OR2J2: variants seen among roughly 807,000 people sequenced by gnomAD.
OR2J2 encodes the protein olfactory receptor family 2 subfamily J member 2.
Under a neutral mutation model 16.9 loss-of-function variants are expected in OR2J2, and 13 were observed. That is an observed-to-expected ratio of 0.77 (90% confidence interval 0.50 to 1.23). The LOEUF is 1.23. OR2J2 is among the 50% of genes most tolerant of loss of function. The probability of loss-of-function intolerance (pLI) is 0.00; values close to 1 mark genes in which losing one functional copy is unlikely to be tolerated. For missense variants in OR2J2, 341 were observed against 379.1 expected (o/e 0.90, Z 0.84); for synonymous variants, 125 against 141.2 (o/e 0.89, Z 0.81).
Position 29,174,535 on chromosome 6 carries a change from G to C in OR2J2, c.900G>C (p.Gly300=), listed in dbSNP as rs376489298. Residue 300 remains glycine (G), a synonymous_variant, in exon 2 of 2, where the codon GGG becomes GGC. Transcript: ENST00000641417. ...IYTLRNKHVK[G]AAKRLLGWEW... Reference sequence around the variant, plus strand: ...CTCTCAGAAACAAGCATGTAAAAGGGGCAGCGAAGAGACTATTGGGGTGGG... The same window carrying C: ...CTCTCAGAAACAAGCATGTAAAAGGCGCAGCGAAGAGACTATTGGGGTGGG... 1 of 1,612,972 alleles carries C rather than the reference G, an allele frequency of 6.2e-7. No homozygotes were observed. The highest frequency in any genetic ancestry group is 1.3e-5 in the African/African-American group (1 of 74,882).
chr6:29,175,101 T>G lies in OR2J2; in HGVS notation c.*527T>G, dbSNP rs1765774232. Reference sequence around the variant, plus strand: ...CATAAGTATTTGGTTGAAAGACACTTTTTAAAGACACTAAATTATCTAATT... The same window carrying G: ...CATAAGTATTTGGTTGAAAGACACTGTTTAAAGACACTAAATTATCTAATT... On this transcript the variant is annotated 3_prime_UTR_variant, in exon 2 of 2. Coordinates refer to ENST00000641417, the MANE Select transcript of OR2J2 (RefSeq NM_030905.3). 6.6e-6 allele frequency: 1 copy of G among 152,490 alleles called. No homozygotes were observed. The highest frequency in any genetic ancestry group is 2.4e-5 in the African/African-American group (1 of 41,468). The allele number at this position is 152,490 out of a possible 1,614,324, so 9.4% of individuals were successfully genotyped here.
rs540478432 is a variant in OR2J2, at chr6:29,174,320, A to G, written c.685A>G (p.Met229Val). 3 of 1,613,818 alleles carry G rather than the reference A, an allele frequency of 1.9e-6. No homozygotes were observed. Among genetic ancestry groups the G allele is most frequent in the East Asian group, 2.2e-5 (1 of 44,816 alleles). ...YGAIARAVLS[M>V]QSTTGLQKVF... Reference sequence around the variant, plus strand: ...TGCCATTGCCCGGGCTGTACTGAGCATGCAATCAACCACTGGGCTTCAGAA... The same window carrying G: ...TGCCATTGCCCGGGCTGTACTGAGCGTGCAATCAACCACTGGGCTTCAGAA... The change falls in exon 2 of 2, where the codon ATG becomes GTG. Residue 229 changes from methionine (M) to valine (V), a missense_variant. Transcript: ENST00000641417.
chr6:29,174,567 G>C lies in OR2J2; in HGVS notation c.932G>C (p.Gly311Ala), dbSNP rs865981126. 1 of 1,595,776 alleles carries C rather than the reference G, an allele frequency of 6.3e-7. No individual in the cohort carries two copies. Among genetic ancestry groups the C allele is most frequent in the Non-Finnish European group, 8.5e-7 (1 of 1,171,188 alleles). The stretch of plus-strand genomic sequence containing the variant: ...AAGAGACTATTGGGGTGGGAGTGGG[G>C]GAAGTGACAGGGAAATCATGTTGTC... Reference protein sequence around the residue: ...AAKRLLGWEWGK With the variant: ...AAKRLLGWEWAK Residue 311 changes from glycine (G) to alanine (A), a missense_variant, in exon 2 of 2, where the codon GGG becomes GCG. By Grantham distance (60) the Gly-to-Ala change is moderately conservative (BLOSUM62 0). Transcript: ENST00000641417.
Position 29,174,313 on chromosome 6 carries a change from A to G in OR2J2, c.678A>G (p.Val226=). The G allele has an allele frequency of 6.2e-7, 1 of 1,613,842 alleles. No homozygotes were observed. The highest frequency in any genetic ancestry group is 8.5e-7 in the Non-Finnish European group (1 of 1,179,952). The change falls in exon 2 of 2, where the codon GTA becomes GTG. Residue 226 remains valine (V), a synonymous_variant. Coordinates refer to ENST00000641417, the MANE Select transcript of OR2J2 (RefSeq NM_030905.3). ...CCTATGGTGCCATTGCCCGGGCTGT[A>G]CTGAGCATGCAATCAACCACTGGGC... is the stretch of plus-strand genomic sequence containing the variant. ...LTTYGAIARA[V]LSMQSTTGLQ...
rs1026569427 is a variant in OR2J2, at chr6:29,170,950, A to C, written c.-173A>C. The C allele has an allele frequency of 1.3e-5, 2 of 152,100 alleles. No individual in the cohort carries two copies. The highest frequency in any genetic ancestry group is 2.9e-5 in the Non-Finnish European group (2 of 68,014). The allele number at this position is 152,100 out of a possible 1,614,324, so 9.4% of individuals were successfully genotyped here. A position where few individuals can be genotyped will look rare whatever the true frequency, so the allele number is the denominator to read the frequency against. ...GTTATTTCCAGACTCTGTTCTTCAT[A>C]GTTAGATTTAAAACATTGGCAAAAA... On this transcript the variant is annotated 5_prime_UTR_variant, in exon 1 of 2. An upstream open reading frame in the 5' UTR loses its in-frame stop. Coordinates refer to ENST00000641417, the MANE Select transcript of OR2J2 (RefSeq NM_030905.3).
rs140507945 is a variant in OR2J2 at position 29,175,501 on chromosome 6, C to T, written c.*927C>T. 7.2e-5 allele frequency: 11 copies of T among 152,172 alleles called. No individual in the cohort carries two copies. Among genetic ancestry groups the T allele is most frequent in the East Asian group, 5.8e-4 (3 of 5,168 alleles). The allele number at this position is 152,172 out of a possible 1,614,324, so 9.4% of individuals were successfully genotyped here. A position where few individuals can be genotyped will look rare whatever the true frequency, so the allele number is the denominator to read the frequency against. ...ACTTTTTAAAAATCAAAAACAAGGC[C>T]GAGCACGGTGGCTCACACCTGTAAT... On this transcript the variant is annotated 3_prime_UTR_variant, in exon 2 of 2. Transcript: ENST00000641417.
chr6:29,174,605 T>G lies in OR2J2; in HGVS notation c.*31T>G. 1 of 1,537,508 alleles carries G rather than the reference T, an allele frequency of 6.5e-7. No homozygotes were observed. Among genetic ancestry groups the G allele is most frequent in the Non-Finnish European group, 8.8e-7 (1 of 1,139,600 alleles). On this transcript the variant is annotated 3_prime_UTR_variant, in exon 2 of 2. Transcript: ENST00000641417. Reference sequence around the variant, plus strand: ...AAATCATGTTGTCTGTTGTCATTGTTTTTCCTAGGGTCTTAGCCATCTTGA... The same window carrying G: ...AAATCATGTTGTCTGTTGTCATTGTGTTTCCTAGGGTCTTAGCCATCTTGA...
intron 1 of OR2J2, among the ~76,000 whole-genome samples, chr6:29,171,636 G>A (rs1765494977): frequency 6.6e-6 from 1 of 151,912 alleles, no homozygotes; most frequent in Non-Finnish European, 1.5e-5. Flanking sequence ...AATGCTGAAA[G>A]ATGGGTCATA....
At position 29,175,169 on chromosome 6, in the gene OR2J2, A is replaced by G. The variant is rs943720716; in HGVS notation, c.*595A>G. The G allele has an allele frequency of 6.6e-6, 1 of 152,192 alleles. No homozygotes were observed. Among genetic ancestry groups the G allele is most frequent in the African/African-American group, 2.4e-5 (1 of 41,434 alleles). The allele number at this position is 152,192 out of a possible 1,614,324, so 9.4% of individuals were successfully genotyped here. ...TACTTGTCACATTGAACAGTAAACT[A>G]ATATCTCTTTAAAATGGCTCTTTCG... On this transcript the variant is annotated 3_prime_UTR_variant, in exon 2 of 2. Transcript: ENST00000641417.
Position 29,175,787 on chromosome 6 carries a change from T to C in OR2J2, c.*1213T>C, listed in dbSNP as rs1765829149. ...TTGGGATTGCAATTGTTATGTTTTCTATAATCACATTTTTGAAAATAACCT... is the reference window on the plus strand; with the variant it reads ...TTGGGATTGCAATTGTTATGTTTTCCATAATCACATTTTTGAAAATAACCT... On this transcript the variant is annotated 3_prime_UTR_variant, in exon 2 of 2. Coordinates refer to ENST00000641417, the MANE Select transcript of OR2J2 (RefSeq NM_030905.3). 1 of 152,132 alleles carries C rather than the reference T, an allele frequency of 6.6e-6. No individual in the cohort carries two copies. Among genetic ancestry groups the C allele is most frequent in the South Asian group, 2.1e-4 (1 of 4,832 alleles). The allele number at this position is 152,132 out of a possible 1,614,324, so 9.4% of individuals were successfully genotyped here. A position where few individuals can be genotyped will look rare whatever the true frequency, so the allele number is the denominator to read the frequency against.
rs1389964934 is a variant in OR2J2, at chr6:29,171,025, G to A, written c.-98G>A. ...ATGTTTTTAGGTTGTATGGCAACCA[G>A]AGAGCCCCTTCATCAGTTTATACCT... On this transcript the variant is annotated 5_prime_UTR_variant, in exon 1 of 2. Coordinates refer to ENST00000641417, the MANE Select transcript of OR2J2 (RefSeq NM_030905.3). 1.3e-5 allele frequency: 2 copies of A among 152,100 alleles called. No individual in the cohort carries two copies. Among genetic ancestry groups the A allele is most frequent in the Admixed American group, 1.3e-4 (2 of 15,250 alleles). The allele number at this position is 152,100 out of a possible 1,614,324, so 9.4% of individuals were successfully genotyped here. A position where few individuals can be genotyped will look rare whatever the true frequency, so the allele number is the denominator to read the frequency against.
chr6:29,174,514 C>A lies in OR2J2; in HGVS notation c.879C>A (p.Leu293=), dbSNP rs375597037. The change falls in exon 2 of 2, where the codon CTC becomes CTA. Residue 293 remains leucine (L), a synonymous_variant. Coordinates refer to ENST00000641417, the MANE Select transcript of OR2J2 (RefSeq NM_030905.3). ...GTCTTAATCCTCTAATCTACACTCT[C>A]AGAAACAAGCATGTAAAAGGGGCAG... is the stretch of plus-strand genomic sequence containing the variant. The part of the protein sequence containing the change: ...TPSLNPLIYT[L]RNKHVKGAAK... 16 of 1,613,666 alleles carry A rather than the reference C, an allele frequency of 9.9e-6. No individual in the cohort carries two copies. The highest frequency in any genetic ancestry group is 1.3e-5 in the African/African-American group (1 of 74,890).
rs758186424 is a variant in OR2J2 at position 29,174,585 on chromosome 6, A to G, written c.*11A>G. 6.3e-7 allele frequency: 1 copy of G among 1,578,848 alleles called. No homozygotes were observed. Among genetic ancestry groups the G allele is most frequent in the African/African-American group, 1.3e-5 (1 of 74,330 alleles). Reference sequence around the variant, plus strand: ...GAGTGGGGGAAGTGACAGGGAAATCATGTTGTCTGTTGTCATTGTTTTTCC... The same window carrying G: ...GAGTGGGGGAAGTGACAGGGAAATCGTGTTGTCTGTTGTCATTGTTTTTCC... On this transcript the variant is annotated 3_prime_UTR_variant, in exon 2 of 2. Coordinates refer to ENST00000641417, the MANE Select transcript of OR2J2 (RefSeq NM_030905.3).
At position 29,174,512 on chromosome 6, in the gene OR2J2, C is replaced by T. The variant is rs770838813; in HGVS notation, c.877C>T (p.Leu293Phe). ...GAGTCTTAATCCTCTAATCTACACTCTCAGAAACAAGCATGTAAAAGGGGC... is the reference window on the plus strand; with the variant it reads ...GAGTCTTAATCCTCTAATCTACACTTTCAGAAACAAGCATGTAAAAGGGGC... ...TPSLNPLIYT[L>F]RNKHVKGAAK... The change falls in exon 2 of 2, where the codon CTC (leucine) becomes TTC (phenylalanine). Residue 293 changes from leucine (L) to phenylalanine (F), a missense_variant. By Grantham distance (22) the Leu-to-Phe change is conservative. Coordinates refer to ENST00000641417, the MANE Select transcript of OR2J2 (RefSeq NM_030905.3). 7.4e-6 allele frequency: 12 copies of T among 1,613,752 alleles called. No homozygotes were observed. Among genetic ancestry groups the T allele is most frequent in the Non-Finnish European group, 1.0e-5 (12 of 1,179,918 alleles).
chr6:29,174,047 C>T lies in OR2J2; in HGVS notation c.412C>T (p.His138Tyr). The T allele has an allele frequency of 6.2e-7, 1 of 1,613,280 alleles. No individual in the cohort carries two copies. Among genetic ancestry groups the T allele is most frequent in the Non-Finnish European group, 8.5e-7 (1 of 1,179,792 alleles). The stretch of plus-strand genomic sequence containing the variant: ...ACCTTTGCATTACACTGTCCTCATG[C>T]ACCCTCGTTTCTGCCACTTGTTGGT... Reference protein sequence around the residue: ...CRPLHYTVLMHPRFCHLLVAA... With the variant: ...CRPLHYTVLMYPRFCHLLVAA... Residue 138 changes from histidine to tyrosine, a missense_variant, in exon 2 of 2, where the codon CAC becomes TAC. His to Tyr is a moderately conservative substitution (Grantham distance 83, BLOSUM62 2). Coordinates refer to ENST00000641417, the MANE Select transcript of OR2J2 (RefSeq NM_030905.3).
At position 29,174,491 on chromosome 6, in the gene OR2J2, C is replaced by G; in HGVS notation, c.856C>G (p.Leu286Val). 6.2e-7 allele frequency: 1 copy of G among 1,613,672 alleles called. No individual in the cohort carries two copies. Among genetic ancestry groups the G allele is most frequent in the Non-Finnish European group, 8.5e-7 (1 of 1,179,910 alleles). The change falls in exon 2 of 2, where the codon CTT becomes GTT. Residue 286 changes from leucine (L) to valine (V), a missense_variant. By Grantham distance (32) the Leu-to-Val change is conservative (BLOSUM62 1). Coordinates refer to ENST00000641417, the MANE Select transcript of OR2J2 (RefSeq NM_030905.3). ...ALFYTVVTPS[L>V]NPLIYTLRNK... The stretch of plus-strand genomic sequence containing the variant: ...CTTTTATACTGTTGTCACACCGAGT[C>G]TTAATCCTCTAATCTACACTCTCAG...
In OR2J2 at chr6:29,174,511, T is replaced by C; in HGVS notation, c.876T>C (p.Thr292=). The change falls in exon 2 of 2, where the codon ACT becomes ACC. Residue 292 remains threonine, a synonymous_variant. Transcript: ENST00000641417. ...CGAGTCTTAATCCTCTAATCTACAC[T>C]CTCAGAAACAAGCATGTAAAAGGGG... ...VTPSLNPLIY[T]LRNKHVKGAA... 3.7e-6 allele frequency: 6 copies of C among 1,613,700 alleles called. No homozygotes were observed. Among genetic ancestry groups the C allele is most frequent in the Non-Finnish European group, 5.1e-6 (6 of 1,179,890 alleles).
In OR2J2 at chr6:29,173,964, T is replaced by C. The variant is rs749332199; in HGVS notation, c.329T>C (p.Ile110Thr). Residue 110 changes from isoleucine (I) to threonine (T), a missense_variant, in exon 2 of 2, where the codon ATC becomes ACC. Ile to Thr is a moderately conservative substitution (Grantham distance 89, BLOSUM62 -1). Transcript: ENST00000641417. ...CTTTACTTTGTTCTTGCACTGGGAA[T>C]CACAGAGTGTGTCCTACTGGTGGTG... The part of the protein sequence containing the change: ...VQLYFVLALG[I>T]TECVLLVVMS... 5 of 1,612,060 alleles carry C rather than the reference T, an allele frequency of 3.1e-6. No homozygotes were observed. The highest frequency in any genetic ancestry group is 2.7e-5 in the African/African-American group (2 of 74,322).
Position 29,174,121 on chromosome 6 carries a change from C to T in OR2J2, c.486C>T (p.Ser162=). The T allele has an allele frequency of 6.2e-7, 1 of 1,613,716 alleles. No homozygotes were observed. The highest frequency in any genetic ancestry group is 2.2e-5 in the East Asian group (1 of 44,842). Reference sequence around the variant, plus strand: ...TTACTATCTCAGCACTTCATTCCTCCTTTACTTTCTGGGTACCCCTTTGTG... The same window carrying T: ...TTACTATCTCAGCACTTCATTCCTCTTTTACTTTCTGGGTACCCCTTTGTG... ...IGFTISALHS[S]FTFWVPLCGH... The change falls in exon 2 of 2, where the codon TCC becomes TCT. Residue 162 remains serine, a synonymous_variant. Transcript: ENST00000641417.
Sources: gnomAD v4.1 joint callset for allele counts (sites outside exome capture counted in the v4.1 genomes callset) on GRCh38, gnomAD v4.1.1 for gene constraint, MANE v1.5 for transcripts, NCBI Gene and HGNC (gene_info 2026-07-23, HGNC 2026-07-21) for gene names.